The following PRKAR1B variants were observed in gnomAD, a reference collection of about 807,000 sequenced individuals.
PRKAR1B encodes the protein cAMP-dependent protein kinase type I-beta regulatory subunit.
In PRKAR1B, 22 loss-of-function variants were observed where a neutral mutation model predicts 46.5. The ratio of observed to expected loss-of-function variants is 0.47; its 90% CI spans 0.34 to 0.68. The LOEUF is 0.68. PRKAR1B is among the 30% of genes least tolerant of loss of function. The pLI is 0.01. For synonymous variants in PRKAR1B, 259 were observed against 217.7 expected (o/e 1.19, Z -1.67); for missense variants, 445 against 535.6 (o/e 0.83, Z 1.67).
chr7:595,021 A>G (rs888128389), intron 7 of PRKAR1B, among the ~76,000 whole-genome samples: 1 of 152,190 alleles, frequency 6.6e-6, no homozygotes, highest in African/African-American at 2.4e-5. Flanking sequence ...AACTGGGTCC[A>G]CATCTGGTCA....
chr7:645,253 G>A (rs1017918880), intron 4 of PRKAR1B, among the ~76,000 whole-genome samples: 4 of 152,158 alleles, frequency 2.6e-5, no homozygotes, highest in Admixed American at 6.5e-5. Context: ...AGCCGAAGAC[G>A]CGGCAGGAGG....
rs374854982 is a variant in PRKAR1B at position 551,321 on chromosome 7, G to A, written c.973+68C>T. On this transcript the variant is annotated intron_variant, in intron 10 of 10. Transcript: ENST00000537384. The stretch of plus-strand genomic sequence containing the variant: ...GCCCCCCAGCAGCTCCTCACCTCCA[G>A]GCCCCTCCCGAGACCCCAAATGAGA... The A allele has an allele frequency of 8.8e-5, 129 of 1,464,220 alleles. No individual in the cohort carries two copies. In the South Asian group the frequency reaches 1.2e-3, roughly 14 times the overall value. 90.7% of individuals were successfully genotyped at this position (1,464,220 alleles called of 1,614,324 possible). A position where few individuals can be genotyped will look rare whatever the true frequency, so the allele number is the denominator to read the frequency against.
intron 9 of PRKAR1B, among the ~76,000 whole-genome samples, chr7:576,680 C>T (rs1035724438): frequency 2.2e-4 from 33 of 151,598 alleles, no homozygotes; most frequent in African/African-American, 3.4e-4. Flanking sequence ...CCCGGCATCT[C>T]GGATGCCCCA....
At chr7:716,213 CTTAAAAACATT>C (rs918355174) in intron 1 of PRKAR1B, among the ~76,000 whole-genome samples, 17 of 141,854 alleles carry the variant, frequency 1.2e-4, no homozygotes, top group Non-Finnish European at 2.1e-4. Context: ...ACACCTGGTA[CTTAAAAACATT>C]TTTTTTTTTT....
chr7:716,240 A>C (rs1230493796), intron 1 of PRKAR1B, among the ~76,000 whole-genome samples: 1 of 14,490 alleles, frequency 6.9e-5, no homozygotes, highest in Non-Finnish European at 1.5e-4. Context: ...TTTTTTTGTA[A>C]AAAAAAAAAA....
chr7:641,009 AG>A (rs938672564), intron 4 of PRKAR1B, among the ~76,000 whole-genome samples: 14 of 151,870 alleles, frequency 9.2e-5, no homozygotes, highest in Admixed American at 7.2e-4. Flanking sequence ...GCTGGAGTGC[AG>A]TGGTGCCATC....
In PRKAR1B at chr7:579,332, T is replaced by C. The variant is rs1780049984; in HGVS notation, c.815A>G (p.Glu272Gly). ...WERLTVADAL[E>G]PVQFEDGEKI... ...CTCTCCATCTTCAAACTGGACGGGC[T>C]CCAGCGCATCCGCCACGGTCAGACG... is the stretch of plus-strand genomic sequence containing the variant. Residue 272 changes from glutamate to glycine, a missense_variant, in exon 9 of 11, where the codon GAG (glutamate) becomes GGG (glycine). Physicochemically the swap from Glu to Gly is moderately conservative, Grantham distance 98. Transcript: ENST00000537384. 6.2e-7 allele frequency: 1 copy of C among 1,614,016 alleles called. No homozygotes were observed. Among genetic ancestry groups the C allele is most frequent in the Non-Finnish European group, 8.5e-7 (1 of 1,180,034 alleles).
rs997175008 is a variant in PRKAR1B at position 644,316 on chromosome 7, C to T, written c.440+32913G>A. ...TGGAATCACTCACTCCCGGCTCCTGCTCCACCCCACACTGTGAGGAGCTGG... is the reference window on the plus strand; with the variant it reads ...TGGAATCACTCACTCCCGGCTCCTGTTCCACCCCACACTGTGAGGAGCTGG... On this transcript the variant is annotated intron_variant, in intron 4 of 10. Transcript: ENST00000537384. This position sits in a 1 kb window ranked among gnomAD's most constrained non-coding sequence, Gnocchi z 4.9. Among the ~76,000 whole-genome samples the T allele has an allele frequency of 6.6e-6, 1 of 152,172 alleles. No individual in the cohort carries two copies. Among genetic ancestry groups the T allele is most frequent in the Non-Finnish European group, 1.5e-5 (1 of 68,032 alleles).
In PRKAR1B at chr7:700,667, TA is replaced by T. The variant is rs944838696; in HGVS notation, c.177+10661del. On this transcript the variant is annotated intron_variant, in intron 2 of 10. Coordinates refer to ENST00000537384, the MANE Select transcript of PRKAR1B (RefSeq NM_001164760.2). ...AATCAGCAAAGAAATCAAATTTATT[TA>T]AAAAAAAAAGGAAGAAGAAAGGAGG... Among the ~76,000 whole-genome samples, 29 of 146,010 alleles carry T rather than the reference TA, an allele frequency of 2.0e-4. 1 individual carries two copies. The highest frequency in any genetic ancestry group is 1.2e-3 in the East Asian group (6 of 5,046).
At position 593,042 on chromosome 7, in the gene PRKAR1B, TA is replaced by T. The variant is rs201661722; in HGVS notation, c.708+3103del. On this transcript the variant is annotated intron_variant, in intron 7 of 10. Coordinates refer to ENST00000537384, the MANE Select transcript of PRKAR1B (RefSeq NM_001164760.2). The surrounding 1 kb of genome is among the most constrained non-coding windows in gnomAD (Gnocchi z 6.1). The stretch of plus-strand genomic sequence containing the variant: ...CAGTGAGACATTGTTTCAAAAAAAT[TA>T]AAAAAAACAAAAAGGTAAGAAAGAA... 6.6e-6 allele frequency among the ~76,000 whole-genome samples: 1 copy of T among 151,630 alleles called. No homozygotes were observed. Among genetic ancestry groups the T allele is most frequent in the African/African-American group, 2.4e-5 (1 of 41,232 alleles).
chr7:590,273 G>A (rs189486008), intron 7 of PRKAR1B, among the ~76,000 whole-genome samples: 83 of 152,366 alleles, frequency 5.4e-4, no homozygotes, highest in African/African-American at 1.8e-3. Context: ...AGCACAGCAC[G>A]GCAGGACTCT....
chr7:588,759 ATGGTGG>A (rs1780786675), intron 7 of PRKAR1B, among the ~76,000 whole-genome samples: 1 of 27,856 alleles, frequency 3.6e-5, no homozygotes, highest in South Asian at 1.7e-3. Flanking sequence ...GGTGATGGTG[ATGGTGG>A]TGATGGTGAT....
intron 4 of PRKAR1B, among the ~76,000 whole-genome samples, chr7:658,017 G>C (rs982873247): frequency 2.0e-5 from 3 of 152,068 alleles, no homozygotes; most frequent in African/African-American, 7.2e-5. Context: ...GACAAGCAAG[G>C]CCCACGTCAG....
At chr7:663,445 C>A (rs778933401) in intron 4 of PRKAR1B, among the ~76,000 whole-genome samples, 3 of 152,148 alleles carry the variant, frequency 2.0e-5, no homozygotes, top group Non-Finnish European at 4.4e-5. Context: ...CTATGCTGCC[C>A]AGGCTGGTCT....
chr7:590,408 C>T (rs956312970), intron 7 of PRKAR1B, among the ~76,000 whole-genome samples: 1 of 152,216 alleles, frequency 6.6e-6, no homozygotes, highest in South Asian at 2.1e-4. Flanking sequence ...CGGCACTGAC[C>T]TTGCCACTCC....
intron 6 of PRKAR1B, 83 bp from the exon 7 acceptor site, chr7:596,387 C>G: frequency 6.6e-7 from 1 of 1,504,912 alleles, no homozygotes. Flanking sequence ...TCCCCCTTAG[C>G]TCTCTCCAGA....
chr7:644,531 A>T lies in PRKAR1B; in HGVS notation c.440+32698T>A, dbSNP rs1784536239. On this transcript the variant is annotated intron_variant, in intron 4 of 10. Coordinates refer to ENST00000537384, the MANE Select transcript of PRKAR1B (RefSeq NM_001164760.2). This position sits in a 1 kb window ranked among gnomAD's most constrained non-coding sequence, Gnocchi z 4.9. ...GCATCCCTCCGAGGGCCCACCCTCC[A>T]CTCCCCGCTGCCAGGGAGCCCTCCC... is the stretch of plus-strand genomic sequence containing the variant. Among the ~76,000 whole-genome samples, 2 of 151,170 alleles carry T rather than the reference A, an allele frequency of 1.3e-5. No homozygotes were observed. Among genetic ancestry groups the T allele is most frequent in the Non-Finnish European group, 2.9e-5 (2 of 67,800 alleles).
At chr7:655,367 G>A (rs143169404) in intron 4 of PRKAR1B, among the ~76,000 whole-genome samples, 1 of 152,086 alleles carries the variant, frequency 6.6e-6, no homozygotes, top group Non-Finnish European at 1.5e-5. Context: ...GCATGCCCCT[G>A]ACCACAGGGC....
rs550245195 is a variant in PRKAR1B at position 582,874 on chromosome 7, C to T, written c.769+1634G>A. On this transcript the variant is annotated intron_variant, in intron 8 of 10. Transcript: ENST00000537384. The stretch of plus-strand genomic sequence containing the variant: ...GGGATTTTGCAGAGGGAGCAAATGT[C>T]CCCCTCTCGGCCCCTATAAAATCTG... 3.9e-5 allele frequency among the ~76,000 whole-genome samples: 6 copies of T among 152,370 alleles called. No homozygotes were observed. In the South Asian group the frequency reaches 1.0e-3, roughly 26 times the overall value.
Sources: allele counts gnomAD v4.1 joint callset (sites outside exome capture counted in the v4.1 genomes callset), GRCh38; gene constraint gnomAD v4.1.1; non-coding constraint Gnocchi (gnomAD v3.1); transcripts MANE v1.5; gene names NCBI Gene and HGNC (gene_info 2026-07-23, HGNC 2026-07-21).